ARID1A: variants seen among roughly 807,000 people sequenced by gnomAD.
ARID1A encodes AT-rich interaction domain 1A.
Under a neutral mutation model 212.6 loss-of-function variants are expected in ARID1A, and 20 were observed. That is an observed-to-expected ratio of 0.09 (90% CI 0.07 to 0.14). The LOEUF (loss-of-function observed/expected upper bound fraction) is 0.14. Among genes scored for constraint, ARID1A ranks in the 10% least tolerant of loss-of-function variants. The probability of loss-of-function intolerance (pLI) is 1.00; values close to 1 mark genes in which losing one functional copy is unlikely to be tolerated. For synonymous variants in ARID1A, 1,376 were observed against 1,222.1 expected (o/e 1.13, Z -2.63); for missense variants, 2,587 against 3,059.0 (o/e 0.85, Z 3.64).
chr1:26,718,255 G>A (rs1031664386), intron 1 of ARID1A, among the ~76,000 whole-genome samples: 1 of 152,226 alleles, frequency 6.6e-6, no homozygotes, highest in African/African-American at 2.4e-5. Flanking sequence ...GATTACAGGC[G>A]TGAGCCACCG....
Position 26,762,117 on chromosome 1 carries a change from A to C in ARID1A, c.2252-35A>C, listed in dbSNP as rs1379709094. 1.9e-6 allele frequency: 3 copies of C among 1,581,646 alleles called. No homozygotes were observed. The African/African-American group carries it at 4.1e-5, about 21-fold the overall frequency. ...GGAGAGCATTTGTTCGCATTGTATA[A>C]AGCTAATAACTATATGGATGCTACC... On this transcript the variant is annotated intron_variant, in intron 6 of 19. Coordinates refer to ENST00000324856, the MANE Select transcript of ARID1A (RefSeq NM_006015.6).
chr1:26,704,943 T>C (rs971641078), intron 1 of ARID1A, among the ~76,000 whole-genome samples: 4 of 152,130 alleles, frequency 2.6e-5, no homozygotes, highest in African/African-American at 9.7e-5. Flanking sequence ...TTAATCCTTG[T>C]GGAGCCTCTG....
chr1:26,745,218 C>A (rs147956778), intron 4 of ARID1A, among the ~76,000 whole-genome samples: 1 of 152,144 alleles, frequency 6.6e-6, no homozygotes, highest in Non-Finnish European at 1.5e-5. Context: ...ACGTCTATCT[C>A]GGAGCTACTA....
At chr1:26,724,319 C>T (rs867685624) in intron 1 of ARID1A, among the ~76,000 whole-genome samples, 5 of 152,064 alleles carry the variant, frequency 3.3e-5, no homozygotes, top group African/African-American at 1.2e-4. Context: ...TCTTGCTGGC[C>T]CTTGGCACTG....
rs182791682 is a variant in ARID1A at position 26,755,868 on chromosome 1, C to T, written c.1921-4988C>T. On this transcript the variant is annotated intron_variant, in intron 4 of 19. Coordinates refer to ENST00000324856, the MANE Select transcript of ARID1A (RefSeq NM_006015.6). ...ACGCCATTCTCCTGCCTCAGCCTCC[C>T]GAGTAACTGGGACTGCAGGCACCTG... Among the ~76,000 whole-genome samples, 119 of 151,790 alleles carry T rather than the reference C, an allele frequency of 7.8e-4. No individual in the cohort carries two copies. In the East Asian group the frequency reaches 0.02, roughly 26 times the overall value.
At position 26,763,014 on chromosome 1, in the gene ARID1A, G is replaced by A. The variant is rs2124067965; in HGVS notation, c.2461G>A (p.Ala821Thr). The A allele has an allele frequency of 1.9e-6, 3 of 1,608,920 alleles. No homozygotes were observed. The highest frequency in any genetic ancestry group is 4.5e-5 in the East Asian group (2 of 44,694). ...GCCAAACTATAATGCCTTGCCCAAT[G>A]CCAACTACCCCAGTGCAGGCATGGC... ...RQPNYNALPNANYPSAGMAGG... is the reference protein window; with the variant it reads ...RQPNYNALPNTNYPSAGMAGG... The change falls in exon 8 of 20, where the codon GCC becomes ACC. Residue 821 changes from alanine (A) to threonine (T), a missense_variant. Around this residue, in one of 11 missense-constraint regions of ARID1A, gnomAD observed 674 missense variants for 813.4 expected, o/e 0.83. Transcript: ENST00000324856.
intron 4 of ARID1A, among the ~76,000 whole-genome samples, chr1:26,749,120 G>A (rs567475890): frequency 1.3e-5 from 2 of 152,224 alleles, no homozygotes; most frequent in African/African-American, 2.4e-5. Context: ...AGCCAAGATC[G>A]CGCCACTGCA....
intron 4 of ARID1A, among the ~76,000 whole-genome samples, chr1:26,744,726 C>T (rs1050184042): frequency 6.6e-6 from 1 of 152,152 alleles, no homozygotes; most frequent in Non-Finnish European, 1.5e-5. Context: ...TTGAGTTGGG[C>T]AGGTTATGCC....
intron 1 of ARID1A, among the ~76,000 whole-genome samples, chr1:26,706,135 G>A (rs1231204090): frequency 6.6e-6 from 1 of 152,152 alleles, no homozygotes; most frequent in Non-Finnish European, 1.5e-5. Flanking sequence ...CATATGAAGA[G>A]GAAATGTGCC....
intron 1 of ARID1A, among the ~76,000 whole-genome samples, chr1:26,699,175 T>C (rs2080308607): frequency 6.6e-6 from 1 of 152,210 alleles, no homozygotes; most frequent in African/African-American, 2.4e-5. Context: ...ATGTTCCACT[T>C]TTTTTCTTGT....
At chr1:26,761,200 GC>G in intron 5 of ARID1A, 104 bp downstream of exon 5, 1 of 1,523,174 alleles carries the variant, frequency 6.6e-7, no homozygotes, top group East Asian at 2.3e-5. Flanking sequence ...TCTGGCTCAT[GC>G]CTGCATAGTT....
At chr1:26,768,611 A>G (rs147689416) in intron 11 of ARID1A, among the ~76,000 whole-genome samples, 53 of 152,320 alleles carry the variant, frequency 3.5e-4, no homozygotes, top group African/African-American at 1.3e-3. Flanking sequence ...TAGTAGAAAT[A>G]GTTTATAATA....
At chr1:26,702,644 CAT>C (rs1407554337) in intron 1 of ARID1A, among the ~76,000 whole-genome samples, 7 of 152,094 alleles carry the variant, frequency 4.6e-5, no homozygotes, top group African/African-American at 1.4e-4. Context: ...CTAGCCTCCT[CAT>C]GTGGTGGAGT....
intron 4 of ARID1A, among the ~76,000 whole-genome samples, chr1:26,754,857 G>A (rs1275932128): frequency 1.3e-5 from 2 of 152,200 alleles, no homozygotes; most frequent in African/African-American, 4.8e-5. Context: ...AGTGGCTCAC[G>A]CCTGTGATCC....
chr1:26,700,465 T>C (rs889976698), intron 1 of ARID1A, among the ~76,000 whole-genome samples: 30 of 152,336 alleles, frequency 2.0e-4, no homozygotes, highest in African/African-American at 7.2e-4. Context: ...TTTATTCCTT[T>C]TCATAAGTAG....
chr1:26,702,997 G>A (rs974062841), intron 1 of ARID1A, among the ~76,000 whole-genome samples: 14 of 152,116 alleles, frequency 9.2e-5, no homozygotes, highest in Non-Finnish European at 1.9e-4. Context: ...TGGAATATTA[G>A]AAAGGAGAAA....
At position 26,696,696 on chromosome 1, in the gene ARID1A, C is replaced by G. The variant is rs1388017467; in HGVS notation, c.293C>G (p.Pro98Arg). The change falls in exon 1 of 20, where the codon CCG becomes CGG. Residue 98 changes from proline (P) to arginine (R), a missense_variant. By Grantham distance (103) the Pro-to-Arg change is moderately radical. This residue lies in a region of ARID1A where 735 missense variants were observed against 590.6 expected (regional missense o/e 1.24). Coordinates refer to ENST00000324856, the MANE Select transcript of ARID1A (RefSeq NM_006015.6). ...AGSGGGPGAE[P>R]DLKNSNGNAG... is the part of the protein sequence containing the mutation. Reference sequence around the variant, plus strand: ...AGCGGCGGCGGGCCCGGCGCGGAGCCGGACCTGAAGAACTCGAACGGGAAC... The same window carrying G: ...AGCGGCGGCGGGCCCGGCGCGGAGCGGGACCTGAAGAACTCGAACGGGAAC... 3 of 1,351,304 alleles carry G rather than the reference C, an allele frequency of 2.2e-6. No individual in the cohort carries two copies. The highest frequency in any genetic ancestry group is 2.7e-4 in the Middle Eastern group (1 of 3,720). The allele number at this position is 1,351,304 out of a possible 1,614,324, so 83.7% of individuals were successfully genotyped here. A position where few individuals can be genotyped will look rare whatever the true frequency, so the allele number is the denominator to read the frequency against.
rs763421604 is a variant in ARID1A, at chr1:26,767,874, G to A, written c.3073G>A (p.Asp1025Asn). The stretch of plus-strand genomic sequence containing the variant: ...TGAGCCTGAGAGGAAGATGTGGGTG[G>A]ACCGTTATCTGGCCTTCACTGAGGA... ...GGEPERKMWV[D>N]RYLAFTEEKA... Residue 1025 changes from aspartate (D) to asparagine (N), a missense_variant, in exon 11 of 20, where the codon GAC becomes AAC. Physicochemically the swap from Asp to Asn is conservative, Grantham distance 23. Around this residue, in one of 11 missense-constraint regions of ARID1A, gnomAD observed 44 missense variants for 99.5 expected, o/e 0.44. Coordinates refer to ENST00000324856, the MANE Select transcript of ARID1A (RefSeq NM_006015.6). 1.2e-6 allele frequency: 2 copies of A among 1,614,106 alleles called. No homozygotes were observed. The highest frequency in any genetic ancestry group is 1.7e-6 in the Non-Finnish European group (2 of 1,180,012).
intron 14 of ARID1A, 40 bp downstream of exon 14, chr1:26,773,027 G>C (rs2124108600): frequency 6.3e-7 from 1 of 1,582,212 alleles, no homozygotes; most frequent in Middle Eastern, 1.7e-4. Flanking sequence ...TGCTCGTAAA[G>C]ACAGGGCCAG....
Sources: gnomAD v4.1 joint callset for allele counts (sites outside exome capture counted in the v4.1 genomes callset) on GRCh38, gnomAD v4.1.1 for gene constraint, gnomAD v4.1.1 regional missense constraint, MANE v1.5 for transcripts, NCBI Gene and HGNC (gene_info 2026-07-23, HGNC 2026-07-21) for gene names.